Variants in DCTN5 observed in about 807,000 individuals in gnomAD.
The protein encoded by DCTN5 is dynactin 4.
In DCTN5, 14 loss-of-function variants were observed where a neutral mutation model predicts 23.5. The ratio of observed to expected loss-of-function variants is 0.60; its 90% CI spans 0.39 to 0.93. DCTN5 has a LOEUF of 0.93. Among genes scored for constraint, DCTN5 ranks in the 40% least tolerant of loss-of-function variants. The probability of loss-of-function intolerance (pLI) is 0.00; values close to 1 mark genes in which losing one functional copy is unlikely to be tolerated. For missense variants in DCTN5, 156 were observed against 225.9 expected (o/e 0.69, Z 1.98); for synonymous variants, 67 against 79.6 (o/e 0.84, Z 0.84).
In DCTN5 at chr16:23,669,600, T is replaced by A. The variant is rs185375881; in HGVS notation, c.*2456T>A. 6.5e-6 allele frequency: 1 copy of A among 152,896 alleles called. No homozygotes were observed. Among genetic ancestry groups the A allele is most frequent in the Admixed American group, 6.5e-5 (1 of 15,288 alleles). 9.5% of individuals were successfully genotyped at this position (152,896 alleles called of 1,614,324 possible). A position where few individuals can be genotyped will look rare whatever the true frequency, so the allele number is the denominator to read the frequency against. On this transcript the variant is annotated 3_prime_UTR_variant, in exon 6 of 6. Transcript: ENST00000300087. ...TGGTGGTTGTGGTGGCAGATGATAT[T>A]ACCTGAAGAAGGGACGAATGGGTGC...
chr16:23,661,218 A>G lies in DCTN5; in HGVS notation c.285A>G (p.Glu95=), dbSNP rs761751332. Residue 95 remains glutamate (E), a synonymous_variant, in exon 4 of 6, where the codon GAA becomes GAG. Transcript: ENST00000300087. ...TTGGAGACCATGTCTTTATTGAGGAAGATTGTGTGGTCAACGCAGCACAGA... is the reference window on the plus strand; with the variant it reads ...TTGGAGACCATGTCTTTATTGAGGAGGATTGTGTGGTCAACGCAGCACAGA... ...LHIGDHVFIE[E]DCVVNAAQIG... 3.7e-6 allele frequency: 6 copies of G among 1,613,092 alleles called. No homozygotes were observed. The highest frequency in any genetic ancestry group is 8.5e-7 in the Non-Finnish European group (1 of 1,179,580).
At chr16:23,658,761 A>T (rs962575549) in intron 3 of DCTN5, 136 bp downstream of exon 3, 1 of 702,038 alleles carries the variant, frequency 1.4e-6, no homozygotes, top group Non-Finnish European at 2.5e-6. Context: ...CATAATGAAC[A>T]CAACTCTGCT....
chr16:23,653,180 T>C (rs942183346), intron 2 of DCTN5, among the ~76,000 whole-genome samples: 4 of 152,164 alleles, frequency 2.6e-5, no homozygotes, highest in African/African-American at 9.7e-5. Context: ...GTAATTGGGA[T>C]ACTCATCACC....
chr16:23,641,730 G>C lies in DCTN5; in HGVS notation c.48+140G>C, dbSNP rs1967269624. 3.5e-6 allele frequency: 3 copies of C among 868,840 alleles called. No individual in the cohort carries two copies. The South Asian group carries it at 4.6e-5, about 13-fold the overall frequency. The allele number at this position is 868,840 out of a possible 1,614,324, so 53.8% of individuals were successfully genotyped here. On this transcript the variant is annotated intron_variant, in intron 1 of 5. Transcript: ENST00000300087. ...CCCGGATTATCTAGCGATGCCCCGT[G>C]TACCGTCTGGCTTTGCTGTTTACTC...
At chr16:23,651,223 CT>C (rs1163805661) in intron 2 of DCTN5, 1 of 1,014,484 alleles carries the variant, frequency 9.9e-7, no homozygotes, top group Non-Finnish European at 1.2e-6. Context: ...TCAGTGAACT[CT>C]TTGCTTTGCT....
rs1878194753 is a variant in DCTN5 at position 23,668,624 on chromosome 16, A to AT, written c.*1482dup. 1 of 152,188 alleles carries AT rather than the reference A, an allele frequency of 6.6e-6. No individual in the cohort carries two copies. The highest frequency in any genetic ancestry group is 1.5e-5 in the Non-Finnish European group (1 of 68,054). The allele number at this position is 152,188 out of a possible 1,614,324, so 9.4% of individuals were successfully genotyped here. On this transcript the variant is annotated 3_prime_UTR_variant, in exon 6 of 6. Transcript: ENST00000300087. ...GGCAGCCAAAACTCTGAGGAAGGAGATTCTGCTAGTAAAAAGGAGTGGGGG... is the reference window on the plus strand; with the variant it reads ...GGCAGCCAAAACTCTGAGGAAGGAGATTTCTGCTAGTAAAAAGGAGTGGGGG...
In DCTN5 at chr16:23,658,645, T is replaced by C. The variant is rs374920352; in HGVS notation, c.236+20T>C. 8.1e-6 allele frequency: 13 copies of C among 1,598,910 alleles called. No homozygotes were observed. The highest frequency in any genetic ancestry group is 1.7e-5 in the Admixed American group (1 of 59,974). On this transcript the variant is annotated intron_variant, in intron 3 of 5. Coordinates refer to ENST00000300087, the MANE Select transcript of DCTN5 (RefSeq NM_032486.4). ...CAAAGGGTATGTAATTTAATTACTT[T>C]GTTCAAGTCTTGGGCAAGAAGCTGC...
At chr16:23,647,352 C>T (rs926618433) in intron 2 of DCTN5, among the ~76,000 whole-genome samples, 25 of 149,962 alleles carry the variant, frequency 1.7e-4, no homozygotes, top group Admixed American at 8.6e-4. Flanking sequence ...TCAGGTGATC[C>T]GCCCGCCTTG....
chr16:23,665,886 A>G (rs1967897108), intron 5 of DCTN5, 158 bp downstream of exon 5: 1 of 626,420 alleles, frequency 1.6e-6, no homozygotes. Flanking sequence ...GCTACCTAAC[A>G]TATAACAAGC....
rs1968029410 is a variant in DCTN5 at position 23,672,793 on chromosome 16, T to TC, written c.*5649_*5650insC. On this transcript the variant is annotated 3_prime_UTR_variant, in exon 6 of 6. Transcript: ENST00000300087. ...ATTACTGTTACTGATAACATACAAA[T>TC]AGATTGTATTAATGGACCATAATTG... The TC allele has an allele frequency of 1.3e-5, 2 of 152,198 alleles. No individual in the cohort carries two copies. The highest frequency in any genetic ancestry group is 6.5e-5 in the Admixed American group (1 of 15,288). 9.4% of individuals were successfully genotyped at this position (152,198 alleles called of 1,614,324 possible). A position where few individuals can be genotyped will look rare whatever the true frequency, so the allele number is the denominator to read the frequency against.
chr16:23,675,558 C>G lies in DCTN5; in HGVS notation c.*8414C>G, dbSNP rs959869351. On this transcript the variant is annotated 3_prime_UTR_variant, in exon 6 of 6. Coordinates refer to ENST00000300087, the MANE Select transcript of DCTN5 (RefSeq NM_032486.4). ...TGCTTTTGTGCCTCTTACATACAAC[C>G]CTTCCAGAGGAAAGGCCTAGCTGAG... 1 of 151,904 alleles carries G rather than the reference C, an allele frequency of 6.6e-6. No homozygotes were observed. The highest frequency in any genetic ancestry group is 2.4e-5 in the African/African-American group (1 of 41,330). The allele number at this position is 151,904 out of a possible 1,614,324, so 9.4% of individuals were successfully genotyped here.
In DCTN5 at chr16:23,677,149, C is replaced by T. The variant is rs567920672; in HGVS notation, c.*10005C>T. The T allele has an allele frequency of 3.9e-5, 6 of 152,380 alleles. No individual in the cohort carries two copies. The highest frequency in any genetic ancestry group is 4.1e-4 in the South Asian group (2 of 4,830). The allele number at this position is 152,380 out of a possible 1,614,324, so 9.4% of individuals were successfully genotyped here. ...CTGGTTTCCCTGGACTTTGTCCATG[C>T]GCTTTTTTCCTTTGCTGATTTTGCT... is the stretch of plus-strand genomic sequence containing the variant. On this transcript the variant is annotated 3_prime_UTR_variant, in exon 6 of 6. Transcript: ENST00000300087.
At chr16:23,649,788 A>G (rs1257143846) in intron 2 of DCTN5, among the ~76,000 whole-genome samples, 1 of 148,426 alleles carries the variant, frequency 6.7e-6, no homozygotes, top group African/African-American at 2.5e-5. Flanking sequence ...TAGTGAGTCG[A>G]GATGGTGCCA....
chr16:23,643,076 T>C, intron 2 of DCTN5, 53 bp downstream of exon 2: 1 of 1,436,970 alleles, frequency 7.0e-7, no homozygotes, highest in Non-Finnish European at 9.8e-7. Context: ...GTTCTGCTAA[T>C]TGTCACCACA....
intron 2 of DCTN5, among the ~76,000 whole-genome samples, chr16:23,654,620 A>T (rs1967666318): frequency 6.6e-6 from 1 of 152,226 alleles, no homozygotes; most frequent in Non-Finnish European, 1.5e-5. Flanking sequence ...TTTAAAAAAA[A>T]TTATTTCCTT....
At position 23,670,897 on chromosome 16, in the gene DCTN5, CATTT is replaced by C. The variant is rs1567235693; in HGVS notation, c.*3757_*3760del. ...CACAGAGAAGAGAGACACCATCACT[CATTT>C]ATTCATTTAACAAGTGCTTTCCAAG... On this transcript the variant is annotated 3_prime_UTR_variant, in exon 6 of 6. Coordinates refer to ENST00000300087, the MANE Select transcript of DCTN5 (RefSeq NM_032486.4). 4 of 152,206 alleles carry C rather than the reference CATTT, an allele frequency of 2.6e-5. No homozygotes were observed. The allele number at this position is 152,206 out of a possible 1,614,324, so 9.4% of individuals were successfully genotyped here.
In DCTN5 at chr16:23,677,386, C is replaced by G. The variant is rs1048198418; in HGVS notation, c.*10242C>G. On this transcript the variant is annotated 3_prime_UTR_variant, in exon 6 of 6. Transcript: ENST00000300087. ...TCAGTTTGTGAAAATTCACTGAGCT[C>G]TATGAACAATTATAATATGTACATT... 2.0e-5 allele frequency: 3 copies of G among 152,076 alleles called. No individual in the cohort carries two copies. The highest frequency in any genetic ancestry group is 7.2e-5 in the African/African-American group (3 of 41,398). The allele number at this position is 152,076 out of a possible 1,614,324, so 9.4% of individuals were successfully genotyped here.
intron 2 of DCTN5, among the ~76,000 whole-genome samples, chr16:23,645,083 CTATATATATATATATATATATATATA>C (rs869302728): frequency 7.2e-4 from 24 of 33,122 alleles, no homozygotes; most frequent in Middle Eastern, 0.026. Context: ...CCCAGCCTAA[CTATATATATATATATATATATATATA>C]TATATATATA....
chr16:23,668,873 G>T lies in DCTN5; in HGVS notation c.*1729G>T, dbSNP rs1470935051. On this transcript the variant is annotated 3_prime_UTR_variant, in exon 6 of 6. Transcript: ENST00000300087. ...CTCAATGGTTTGTTGTGAGTTCCAT[G>T]TCCTCTTGGATCAGTCACTGTGGCC... is the stretch of plus-strand genomic sequence containing the variant. The T allele has an allele frequency of 6.6e-6, 1 of 152,334 alleles. No homozygotes were observed. Among genetic ancestry groups the T allele is most frequent in the Non-Finnish European group, 1.5e-5 (1 of 68,052 alleles). The allele number at this position is 152,334 out of a possible 1,614,324, so 9.4% of individuals were successfully genotyped here. A position where few individuals can be genotyped will look rare whatever the true frequency, so the allele number is the denominator to read the frequency against.
Sources: gnomAD v4.1 joint callset for allele counts (sites outside exome capture counted in the v4.1 genomes callset) on GRCh38, gnomAD v4.1.1 for gene constraint, MANE v1.5 for transcripts, NCBI Gene and HGNC (gene_info 2026-07-23, HGNC 2026-07-21) for gene names.